The following NTM variants were observed in gnomAD, a reference collection of about 807,000 sequenced individuals.
NTM encodes IgLON family member 2.
A neutral mutation model predicts 42.1 loss-of-function variants in NTM; 13 were observed. That is an observed-to-expected ratio of 0.31 (90% CI 0.20 to 0.49). NTM has a LOEUF of 0.49. Among genes scored for constraint, NTM ranks in the 20% least tolerant of loss-of-function variants. The pLI, the probability that NTM is intolerant of heterozygous loss-of-function variation, is 0.99. For missense variants in NTM, 373 were observed against 452.8 expected (o/e 0.82, Z 1.60); for synonymous variants, 187 against 179.2 (o/e 1.04, Z -0.35).
intron 2 of NTM, among the ~76,000 whole-genome samples, chr11:131,932,108 C>T (rs2058698172): frequency 6.6e-6 from 1 of 152,238 alleles, no homozygotes; most frequent in Admixed American, 6.5e-5. Context: ...CCATGCCAAC[C>T]ATGTGCCAGG....
chr11:131,989,850 G>T (rs1441156277), intron 2 of NTM, among the ~76,000 whole-genome samples: 1 of 152,062 alleles, frequency 6.6e-6, no homozygotes, highest in African/African-American at 2.4e-5. Flanking sequence ...ACAACCATGT[G>T]AATGCTCTTA....
chr11:131,775,249 G>A (rs993233364), intron 1 of NTM, among the ~76,000 whole-genome samples: 3 of 152,218 alleles, frequency 2.0e-5, no homozygotes, highest in Admixed American at 6.5e-5. Flanking sequence ...CAACTCATCT[G>A]TGCTTGGTGC....
intron 2 of NTM, among the ~76,000 whole-genome samples, chr11:132,021,803 G>A (rs2074379118): frequency 6.6e-6 from 1 of 152,202 alleles, no homozygotes; most frequent in African/African-American, 2.4e-5. Context: ...TATGGGTAGT[G>A]AAGCACCTTC....
chr11:131,776,905 C>A (rs2087097220), intron 1 of NTM, among the ~76,000 whole-genome samples: 1 of 152,128 alleles, frequency 6.6e-6, no homozygotes, highest in South Asian at 2.1e-4. Context: ...GTACATATTA[C>A]TTCTGCTCGA....
At chr11:132,200,458 G>A (rs984918774) in intron 3 of NTM, among the ~76,000 whole-genome samples, 1 of 152,194 alleles carries the variant, frequency 6.6e-6, no homozygotes, top group African/African-American at 2.4e-5. Flanking sequence ...AAAATCTCTG[G>A]AATTATTTGC....
At chr11:131,731,769 C>T (rs1028560333) in intron 1 of NTM, among the ~76,000 whole-genome samples, 3 of 152,158 alleles carry the variant, frequency 2.0e-5, no homozygotes, top group South Asian at 2.1e-4. Flanking sequence ...CACCAAAATC[C>T]GTTTACAGGA....
intron 3 of NTM, among the ~76,000 whole-genome samples, chr11:132,192,856 A>G (rs926064758): frequency 1.3e-5 from 2 of 152,170 alleles, no homozygotes; most frequent in Admixed American, 6.5e-5. Context: ...CGCCATTCTT[A>G]TATCAGATAA....
rs144512771 is a variant in NTM at position 131,992,502 on chromosome 11, C to T, written c.167+80854C>T. On this transcript the variant is annotated intron_variant, in intron 2 of 8. Coordinates refer to ENST00000683400, the MANE Select transcript of NTM (RefSeq NM_001352005.2). ...CTCTCGGTGTATGAACATAAGACTA[C>T]AACTTTGCTTCAAAAACAGGCACCA... 5.7e-3 allele frequency among the ~76,000 whole-genome samples: 863 copies of T among 152,058 alleles called. 8 individuals carry two copies. Among genetic ancestry groups the T allele is most frequent in the African/African-American group, 0.02 (821 of 41,490 alleles).
At chr11:132,031,762 G>T (rs961355952) in intron 2 of NTM, among the ~76,000 whole-genome samples, 14 of 152,146 alleles carry the variant, frequency 9.2e-5, no homozygotes, top group African/African-American at 3.4e-4. Flanking sequence ...AGGGTTGAAT[G>T]AAAATTGATA....
chr11:131,447,813 T>C (rs1047954088), intron 1 of NTM, among the ~76,000 whole-genome samples: 5 of 152,166 alleles, frequency 3.3e-5, no homozygotes, highest in Non-Finnish European at 7.4e-5. Context: ...GCATCTCCAT[T>C]TGGGCCTCCA....
At chr11:131,672,842 C>T (rs1285697259) in intron 1 of NTM, among the ~76,000 whole-genome samples, 3 of 94,102 alleles carry the variant, frequency 3.2e-5, no homozygotes, top group African/African-American at 1.2e-4. Flanking sequence ...ACCACGGTGC[C>T]GGGGTGGGGG....
chr11:132,010,001 T>C (rs145740285), intron 2 of NTM, among the ~76,000 whole-genome samples: 1 of 152,302 alleles, frequency 6.6e-6, no homozygotes, highest in Non-Finnish European at 1.5e-5. Context: ...ACACGTTATA[T>C]CAATTCTGCA....
intron 1 of NTM, among the ~76,000 whole-genome samples, chr11:131,583,042 G>A (rs967617808): frequency 6.6e-6 from 1 of 152,138 alleles, no homozygotes; most frequent in East Asian, 1.9e-4. Flanking sequence ...TTCACACACG[G>A]GTAGCGTCTC....
At chr11:132,009,903 C>A (rs2071710263) in intron 2 of NTM, among the ~76,000 whole-genome samples, 1 of 152,136 alleles carries the variant, frequency 6.6e-6, no homozygotes, top group African/African-American at 2.4e-5. Flanking sequence ...AAGGAACTTG[C>A]CCCTCAGAGA....
chr11:132,092,000 C>T (rs181572506), intron 2 of NTM, among the ~76,000 whole-genome samples: 8 of 152,282 alleles, frequency 5.3e-5, no homozygotes, highest in Admixed American at 1.3e-4. Flanking sequence ...CTGTGAGTCC[C>T]GCTTCCCTTC....
At chr11:131,538,224 A>G (rs1393766976) in intron 1 of NTM, 1 of 152,226 alleles carries the variant, frequency 6.6e-6, no homozygotes, top group Non-Finnish European at 1.5e-5. Context: ...AGCAATGCAC[A>G]GGACTGTAGA....
intron 1 of NTM, among the ~76,000 whole-genome samples, chr11:131,479,693 G>C (rs535227816): frequency 6.6e-6 from 1 of 152,114 alleles, no homozygotes; most frequent in Non-Finnish European, 1.5e-5. Context: ...AGAAAGGGAC[G>C]ATGAGGAAAT....
chr11:132,181,673 G>T (rs1592064273), intron 3 of NTM, among the ~76,000 whole-genome samples: 1 of 152,188 alleles, frequency 6.6e-6, no homozygotes, highest in South Asian at 2.1e-4. Context: ...CCAGGGCATT[G>T]CATCCACTAC....
intron 1 of NTM, chr11:131,605,968 CT>C (rs1462878670): frequency 2.6e-5 from 22 of 851,096 alleles, no homozygotes; most frequent in Non-Finnish European, 3.0e-5. Context: ...CTATTCTTTT[CT>C]TTTTTCTTTC....
Sources: gnomAD v4.1 joint callset for allele counts (sites outside exome capture counted in the v4.1 genomes callset) on GRCh38, gnomAD v4.1.1 for gene constraint, MANE v1.5 for transcripts, NCBI Gene and HGNC (gene_info 2026-07-23, HGNC 2026-07-21) for gene names.